TNIK: variants seen among roughly 807,000 people sequenced by gnomAD.
The protein encoded by TNIK is TRAF2 and NCK-interacting protein kinase.
TNIK carries 49 observed loss-of-function variants against 191.3 expected under a neutral mutation model. That is an observed-to-expected ratio of 0.26 (90% CI 0.20 to 0.32). TNIK has a LOEUF of 0.32. Among genes scored for constraint, TNIK ranks in the 10% least tolerant of loss-of-function variants. The pLI is 1.00. For missense variants in TNIK, 1,155 were observed against 1,702.3 expected (o/e 0.68, Z 5.66); for synonymous variants, 594 against 600.9 (o/e 0.99, Z 0.17).
intron 4 of TNIK, among the ~76,000 whole-genome samples, chr3:171,206,400 A>T (rs1201108016): frequency 6.6e-6 from 1 of 150,408 alleles, no homozygotes; most frequent in East Asian, 2.0e-4. Context: ...GAACACATAC[A>T]CATCAGGCTT....
At chr3:171,175,885 T>C (rs376364961) in intron 8 of TNIK, among the ~76,000 whole-genome samples, 1 of 152,184 alleles carries the variant, frequency 6.6e-6, no homozygotes, top group East Asian at 1.9e-4. Flanking sequence ...TCGTAACGGG[T>C]TTTGTTTCAT....
At chr3:171,126,956 C>T (rs1341954933) in intron 16 of TNIK, among the ~76,000 whole-genome samples, 1 of 152,206 alleles carries the variant, frequency 6.6e-6, no homozygotes, top group Admixed American at 6.5e-5. Flanking sequence ...ACCACTTTGC[C>T]ATAGCACTGC....
At chr3:171,347,295 C>G in intron 2 of TNIK, 8 of 1,450,816 alleles carry the variant, frequency 5.5e-6, no homozygotes, top group Non-Finnish European at 7.4e-6. Flanking sequence ...ACACTCTCTT[C>G]TCTTTGACAG....
intron 1 of TNIK, among the ~76,000 whole-genome samples, chr3:171,457,027 C>T (rs1728868538): frequency 6.6e-6 from 1 of 152,210 alleles, no homozygotes; most frequent in South Asian, 2.1e-4. Context: ...GAGTGTTCTA[C>T]AATTCTCTTT....
intron 3 of TNIK, among the ~76,000 whole-genome samples, chr3:171,216,020 C>T (rs564534421): frequency 6.6e-6 from 1 of 152,238 alleles, no homozygotes; most frequent in Non-Finnish European, 1.5e-5. Context: ...TCTCTGCTCC[C>T]GCTCATCTGC....
At chr3:171,448,216 A>C (rs1376047023) in intron 1 of TNIK, among the ~76,000 whole-genome samples, 3 of 152,130 alleles carry the variant, frequency 2.0e-5, no homozygotes, top group Non-Finnish European at 4.4e-5. Flanking sequence ...TGAAGTGTAC[A>C]AGTGACTTTT....
intron 1 of TNIK, among the ~76,000 whole-genome samples, chr3:171,433,973 T>G (rs1325255343): frequency 7.6e-6 from 1 of 131,550 alleles, no homozygotes; most frequent in Non-Finnish European, 1.6e-5. Flanking sequence ...TGAGACAGAG[T>G]CTCACTCTGA....
chr3:171,337,487 A>C (rs997741128), intron 2 of TNIK, among the ~76,000 whole-genome samples: 13 of 152,228 alleles, frequency 8.5e-5, no homozygotes, highest in African/African-American at 3.1e-4. Context: ...ATACGGTTTA[A>C]GCCTGGGCAT....
rs1007217523 is a variant in TNIK at position 171,125,967 on chromosome 3, A to G, written c.1958T>C (p.Ile653Thr). 9 of 1,613,848 alleles carry G rather than the reference A, an allele frequency of 5.6e-6. No individual in the cohort carries two copies. The highest frequency in any genetic ancestry group is 2.2e-5 in the East Asian group (1 of 44,888). Reference sequence around the variant, plus strand: ...CCAAGAGCTTCGGTCAAACTTTTCAATGCGAGTGGGGAGAGGAGGATTTTC... The same window carrying G: ...CCAAGAGCTTCGGTCAAACTTTTCAGTGCGAGTGGGGAGAGGAGGATTTTC... ...TSENPPLPTR[I>T]EKFDRSSWLR... Residue 653 changes from isoleucine to threonine, a missense_variant, in exon 17 of 33, where the codon ATT becomes ACT. By Grantham distance (89) the Ile-to-Thr change is moderately conservative (BLOSUM62 -1). Coordinates refer to ENST00000436636, the MANE Select transcript of TNIK (RefSeq NM_015028.4).
chr3:171,116,684 A>G (rs114329107), intron 18 of TNIK, among the ~76,000 whole-genome samples: 405 of 151,200 alleles, frequency 2.7e-3, no homozygotes, highest in African/African-American at 9.1e-3. Flanking sequence ...TCATTTAGTC[A>G]TTGGGTTTGA....
chr3:171,197,291 T>A (rs1738821063), intron 4 of TNIK, among the ~76,000 whole-genome samples: 1 of 152,036 alleles, frequency 6.6e-6, no homozygotes, highest in Non-Finnish European at 1.5e-5. Flanking sequence ...GCTAACACTA[T>A]CAAACTTTCA....
chr3:171,070,720 A>G (rs777699284), intron 29 of TNIK, among the ~76,000 whole-genome samples: 10 of 152,220 alleles, frequency 6.6e-5, no homozygotes, highest in Non-Finnish European at 1.3e-4. Flanking sequence ...CAATCAAAAT[A>G]GAAGAATGCA....
chr3:171,273,334 G>T (rs528025347), intron 2 of TNIK, among the ~76,000 whole-genome samples: 2 of 152,308 alleles, frequency 1.3e-5, no homozygotes, highest in South Asian at 4.1e-4. Context: ...GGGCTTTACT[G>T]TAGTGGGCCT....
intron 28 of TNIK, among the ~76,000 whole-genome samples, chr3:171,075,065 C>T (rs1184827001): frequency 2.0e-5 from 3 of 152,146 alleles, no homozygotes; most frequent in Non-Finnish European, 4.4e-5. Flanking sequence ...ATTCCTGTAG[C>T]CTGATGTTTT....
chr3:171,064,762 T>A (rs1393480760), intron 32 of TNIK, among the ~76,000 whole-genome samples: 5 of 152,236 alleles, frequency 3.3e-5, no homozygotes, highest in African/African-American at 1.2e-4. Context: ...GGCTATGGCC[T>A]AGCCCTTCAG....
At chr3:171,267,350 G>C (rs1577301717) in intron 2 of TNIK, among the ~76,000 whole-genome samples, 1 of 152,190 alleles carries the variant, frequency 6.6e-6, no homozygotes, top group African/African-American at 2.4e-5. Flanking sequence ...GGTTCTGAGA[G>C]AAAGTAAAGG....
intron 2 of TNIK, among the ~76,000 whole-genome samples, chr3:171,286,051 T>A (rs1292123446): frequency 6.6e-6 from 1 of 152,198 alleles, no homozygotes; most frequent in East Asian, 1.9e-4. Context: ...TATGGCAAAA[T>A]AAATACTATT....
At chr3:171,234,105 C>T (rs184032670) in intron 2 of TNIK, among the ~76,000 whole-genome samples, 48 of 152,220 alleles carry the variant, frequency 3.2e-4, no homozygotes, top group African/African-American at 1.2e-3. Context: ...TTTTCCACTC[C>T]CATTTGAGAC....
At chr3:171,396,884 C>G (rs1245368274) in intron 1 of TNIK, among the ~76,000 whole-genome samples, 2 of 152,052 alleles carry the variant, frequency 1.3e-5, no homozygotes, top group African/African-American at 2.4e-5. Flanking sequence ...GATGAAACCA[C>G]TAAAGATGGA....
Sources: gnomAD v4.1 joint callset for allele counts (sites outside exome capture counted in the v4.1 genomes callset) on GRCh38, gnomAD v4.1.1 for gene constraint, MANE v1.5 for transcripts, NCBI Gene and HGNC (gene_info 2026-07-23, HGNC 2026-07-21) for gene names.